Variants in CLSTN2 observed in about 807,000 individuals in gnomAD.
CLSTN2 encodes the protein calsyntenin 2.
Under a neutral mutation model 101.2 loss-of-function variants are expected in CLSTN2, and 48 were observed. The observed-to-expected ratio is 0.47, with a 90% CI of 0.38 to 0.60. The LOEUF is 0.60. CLSTN2 is among the 20% of genes least tolerant of loss of function. CLSTN2 has a pLI of 0.00. For missense variants in CLSTN2, 1,160 were observed against 1,238.2 expected (o/e 0.94, Z 0.95); for synonymous variants, 481 against 463.6 (o/e 1.04, Z -0.48).
chr3:140,316,519 T>C (rs1241345488), intron 2 of CLSTN2, among the ~76,000 whole-genome samples: 1 of 152,218 alleles, frequency 6.6e-6, no homozygotes, highest in Non-Finnish European at 1.5e-5. Flanking sequence ...CCCTGTCTTC[T>C]TTTCTTAATA....
Position 140,079,297 on chromosome 3 carries a change from C to A in CLSTN2, c.110-96654C>A, listed in dbSNP as rs2008545720. Among the ~76,000 whole-genome samples the A allele has an allele frequency of 2.0e-5, 3 of 152,086 alleles. No individual in the cohort carries two copies. In the South Asian group the frequency reaches 6.2e-4, roughly 32 times the overall value. On this transcript the variant is annotated intron_variant, in intron 1 of 16. Transcript: ENST00000458420. Reference sequence around the variant, plus strand: ...GAAAGAGTTGTATGGTGTATGTGACCTTTTCAATCTGTTGATTAACGATAT... The same window carrying A: ...GAAAGAGTTGTATGGTGTATGTGACATTTTCAATCTGTTGATTAACGATAT...
intron 1 of CLSTN2, among the ~76,000 whole-genome samples, chr3:140,148,505 T>C (rs1408959754): frequency 6.6e-6 from 1 of 152,230 alleles, no homozygotes; most frequent in African/African-American, 2.4e-5. Flanking sequence ...AGAACTTTTA[T>C]TTTTCATAAT....
chr3:140,421,432 G>A (rs2088505035), intron 5 of CLSTN2, among the ~76,000 whole-genome samples, 158 bp downstream of exon 5: 1 of 152,178 alleles, frequency 6.6e-6, no homozygotes, highest in Non-Finnish European at 1.5e-5. Flanking sequence ...ACTCTTAGGT[G>A]ATATATTATC....
chr3:140,096,905 C>G (rs1350378990), intron 1 of CLSTN2, among the ~76,000 whole-genome samples: 2 of 152,168 alleles, frequency 1.3e-5, no homozygotes, highest in Non-Finnish European at 2.9e-5. Context: ...GTAGCTATAG[C>G]CACAGCCTTG....
At chr3:140,510,163 C>T (rs1934779628) in intron 8 of CLSTN2, among the ~76,000 whole-genome samples, 1 of 152,152 alleles carries the variant, frequency 6.6e-6, no homozygotes, top group Non-Finnish European at 1.5e-5. Flanking sequence ...TATATTAGTA[C>T]TCAAAGTACA....
intron 6 of CLSTN2, 25 bp from the exon 7 acceptor site, chr3:140,459,495 AT>A: frequency 1.2e-6 from 2 of 1,611,876 alleles, no homozygotes; most frequent in Non-Finnish European, 1.7e-6. Flanking sequence ...ATGACCTGTT[AT>A]CCTTTCTTTC....
chr3:140,016,420 A>G (rs1405455665), intron 1 of CLSTN2, among the ~76,000 whole-genome samples: 1 of 152,236 alleles, frequency 6.6e-6, no homozygotes, highest in Non-Finnish European at 1.5e-5. Context: ...CTTGAATAAC[A>G]TGGATTTGAA....
intron 1 of CLSTN2, among the ~76,000 whole-genome samples, chr3:139,996,842 G>A (rs2006674703): frequency 6.6e-6 from 1 of 152,030 alleles, no homozygotes; most frequent in Non-Finnish European, 1.5e-5. Context: ...GAGGTCAGGA[G>A]TTCAAGATCA....
intron 1 of CLSTN2, among the ~76,000 whole-genome samples, chr3:140,103,787 A>G (rs1484324874): frequency 3.9e-5 from 6 of 152,224 alleles, no homozygotes. Flanking sequence ...AGCACCTACT[A>G]TGGACCTTGT....
intron 12 of CLSTN2, among the ~76,000 whole-genome samples, chr3:140,561,560 A>C (rs1935914132): frequency 6.6e-6 from 1 of 152,238 alleles, no homozygotes; most frequent in Non-Finnish European, 1.5e-5. Context: ...TTAATGATTC[A>C]GCTCCATTTG....
intron 8 of CLSTN2, among the ~76,000 whole-genome samples, chr3:140,498,984 A>G (rs886371551): frequency 6.6e-6 from 1 of 151,818 alleles, no homozygotes; most frequent in African/African-American, 2.4e-5. Flanking sequence ...TCACTAAACC[A>G]AATAATTAAC....
intron 4 of CLSTN2, among the ~76,000 whole-genome samples, chr3:140,410,298 GA>G (rs1176909037): frequency 1.4e-5 from 2 of 142,014 alleles, no homozygotes; most frequent in African/African-American, 2.6e-5. Context: ...AGCAGCAAAA[GA>G]AAAAAAACAT....
intron 2 of CLSTN2, among the ~76,000 whole-genome samples, chr3:140,309,463 C>T (rs2087144577): frequency 6.6e-6 from 1 of 152,072 alleles, no homozygotes; most frequent in African/African-American, 2.4e-5. Flanking sequence ...AGGCAGGTAC[C>T]CCAGAGGCTT....
chr3:140,494,968 G>T (rs1328745155), intron 8 of CLSTN2, among the ~76,000 whole-genome samples: 2 of 152,020 alleles, frequency 1.3e-5, no homozygotes, highest in East Asian at 3.9e-4. Context: ...TATTCCTTCG[G>T]ATATATACCC....
At chr3:140,418,930 T>C (rs550969200) in intron 4 of CLSTN2, among the ~76,000 whole-genome samples, 40 of 152,194 alleles carry the variant, frequency 2.6e-4, no homozygotes, top group African/African-American at 9.4e-4. Context: ...CCTTCCCATT[T>C]CCTGCTCCTT....
At chr3:140,277,457 A>G (rs976895080) in intron 2 of CLSTN2, among the ~76,000 whole-genome samples, 1 of 152,228 alleles carries the variant, frequency 6.6e-6, no homozygotes, top group African/African-American at 2.4e-5. Flanking sequence ...ATAGTTCTGC[A>G]GATGACTGCT....
chr3:140,349,982 C>T (rs1162514567), intron 2 of CLSTN2, among the ~76,000 whole-genome samples: 4 of 152,178 alleles, frequency 2.6e-5, no homozygotes, highest in East Asian at 1.9e-4. Context: ...AGATTGAATG[C>T]GTCATCTGGA....
chr3:140,392,018 A>T (rs1051584395), intron 2 of CLSTN2, among the ~76,000 whole-genome samples: 2 of 152,050 alleles, frequency 1.3e-5, no homozygotes, highest in Non-Finnish European at 2.9e-5. Flanking sequence ...AAATATTAGA[A>T]ACAATGCCAA....
At chr3:140,093,567 G>A (rs1248521846) in intron 1 of CLSTN2, among the ~76,000 whole-genome samples, 1 of 152,194 alleles carries the variant, frequency 6.6e-6, no homozygotes, top group East Asian at 1.9e-4. Context: ...GGCTAGCAGA[G>A]GGTGGGGTGA....
Sources: gnomAD v4.1 joint callset for allele counts (sites outside exome capture counted in the v4.1 genomes callset) on GRCh38, gnomAD v4.1.1 for gene constraint, MANE v1.5 for transcripts, NCBI Gene and HGNC (gene_info 2026-07-23, HGNC 2026-07-21) for gene names.